DCAF8: variants seen among roughly 807,000 people sequenced by gnomAD.
DCAF8 encodes the protein DDB1 and CUL4 associated factor 8.
In DCAF8, 20 loss-of-function variants were observed where a neutral mutation model predicts 68.0. That is an observed-to-expected ratio of 0.29 (90% CI 0.21 to 0.43). The LOEUF is 0.43. Ranked by LOEUF, DCAF8 falls within the 20% of genes least tolerant of loss-of-function variation. The pLI, the probability that DCAF8 is intolerant of heterozygous loss-of-function variation, is 1.00. For synonymous variants in DCAF8, 230 were observed against 276.9 expected (o/e 0.83, Z 1.68); for missense variants, 460 against 771.0 (o/e 0.60, Z 4.78).
At chr1:160,225,278 A>AG (rs1319351811) in intron 8 of DCAF8, among the ~76,000 whole-genome samples, 159 bp from the exon 9 acceptor site, 2 of 152,188 alleles carry the variant, frequency 1.3e-5, no homozygotes, top group Non-Finnish European at 2.9e-5. Flanking sequence ...TGACCACCTC[A>AG]GGGGGTAGCA....
intron 13 of DCAF8, chr1:160,218,033 G>A (rs2101710921): frequency 2.0e-6 from 1 of 498,364 alleles, no homozygotes; most frequent in Admixed American, 3.6e-5. Flanking sequence ...AGGAAAAATA[G>A]AAGGGTCACA....
chr1:160,238,482 G>C (rs1429942279), intron 5 of DCAF8, 125 bp downstream of exon 5: 1 of 1,074,734 alleles, frequency 9.3e-7, no homozygotes, highest in African/African-American at 1.6e-5. Context: ...CAAATCTTAG[G>C]ACTGAAAGAG....
intron 2 of DCAF8, among the ~76,000 whole-genome samples, chr1:160,258,329 G>A (rs1276130645): frequency 6.6e-6 from 1 of 152,114 alleles, no homozygotes; most frequent in Non-Finnish European, 1.5e-5. Context: ...GTGACAGAGT[G>A]AGATCCTATT....
chr1:160,261,679 C>T (rs1199263028), intron 1 of DCAF8: 1 of 152,190 alleles, frequency 6.6e-6, no homozygotes. Flanking sequence ...GGGGGGAAAT[C>T]CCGGAGAGAA....
At chr1:160,234,959 C>A (rs1364671164) in intron 6 of DCAF8, among the ~76,000 whole-genome samples, 1 of 152,170 alleles carries the variant, frequency 6.6e-6, no homozygotes, top group African/African-American at 2.4e-5. Flanking sequence ...TGTAGAAATT[C>A]TTCTACTATC....
Position 160,245,837 on chromosome 1 carries a change from TATTA to T in DCAF8, c.-26-1807_-26-1804del, listed in dbSNP as rs527595196. 3.9e-5 allele frequency among the ~76,000 whole-genome samples: 6 copies of T among 152,326 alleles called. No homozygotes were observed. The South Asian group carries it at 1.2e-3, about 32-fold the overall frequency. ...CTTCTCCATCTAGAGTTTAAAATTA[TATTA>T]ATTCCTATCAAGTGGGGAAAATGTA... On this transcript the variant is annotated intron_variant, in intron 2 of 13. Transcript: ENST00000368074.
chr1:160,232,947 G>A (rs1355480027), intron 6 of DCAF8, among the ~76,000 whole-genome samples: 1 of 152,190 alleles, frequency 6.6e-6, no homozygotes, highest in Non-Finnish European at 1.5e-5. Flanking sequence ...GTGGCATGAG[G>A]AATATTCTTC....
intron 12 of DCAF8, 47 bp from the exon 13 acceptor site, chr1:160,218,487 C>T (rs1269819037): frequency 2.1e-6 from 3 of 1,396,094 alleles, no homozygotes; most frequent in Admixed American, 1.7e-5. Flanking sequence ...TGAAGAGGAA[C>T]CCGGGACCTG....
At chr1:160,249,606 AAC>A (rs1351570977) in intron 2 of DCAF8, among the ~76,000 whole-genome samples, 1 of 152,222 alleles carries the variant, frequency 6.6e-6, no homozygotes, top group Non-Finnish European at 1.5e-5. Context: ...CAGCCTGAGT[AAC>A]ACAGCAATAC....
rs888411358 is a variant in DCAF8 at position 160,222,558 on chromosome 1, T to C, written c.1440+93A>G. 5.2e-6 allele frequency: 8 copies of C among 1,526,618 alleles called. No individual in the cohort carries two copies. The East Asian group carries it at 1.8e-4, about 35-fold the overall frequency. 94.6% of individuals were successfully genotyped at this position (1,526,618 alleles called of 1,614,324 possible). A position where few individuals can be genotyped will look rare whatever the true frequency, so the allele number is the denominator to read the frequency against. On this transcript the variant is annotated intron_variant, in intron 11 of 13. Coordinates refer to ENST00000368074, the MANE Select transcript of DCAF8 (RefSeq NM_015726.4). ...GCTGGACCTCTAAAACATGGTATCA[T>C]GTAGTCACAGTGAGAATTCAGTGTC...
At chr1:160,223,793 G>A (rs1189234635) in intron 10 of DCAF8, among the ~76,000 whole-genome samples, 3 of 152,280 alleles carry the variant, frequency 2.0e-5, no homozygotes, top group Non-Finnish European at 2.9e-5. Flanking sequence ...AGCTACTCAC[G>A]AGGCTGAAGT....
At chr1:160,225,512 C>T (rs1655444705) in intron 8 of DCAF8, 79 bp downstream of exon 8, 1 of 1,153,324 alleles carries the variant, frequency 8.7e-7, no homozygotes, top group African/African-American at 1.5e-5. Flanking sequence ...AAGCTCTTCC[C>T]ACCATACCAA....
intron 2 of DCAF8, among the ~76,000 whole-genome samples, chr1:160,253,288 T>C (rs10908772): frequency 0.64 from 97,886 of 151,848 alleles, 33,039 homozygotes; most frequent in African/African-American, 0.86. Context: ...ATCGCTTGAG[T>C]CCAGGAATTT....
rs1655120635 is a variant in DCAF8, at chr1:160,216,382, A to C, written c.*1210T>G. On this transcript the variant is annotated 3_prime_UTR_variant, in exon 14 of 14. Coordinates refer to ENST00000368074, the MANE Select transcript of DCAF8 (RefSeq NM_015726.4). ...AGTCTGCAGTGGTGGCACCACCCTA[A>C]AGTAGTTAAGTTTTAAAGACAGGCC... 6.6e-6 allele frequency: 1 copy of C among 152,100 alleles called. No individual in the cohort carries two copies. The highest frequency in any genetic ancestry group is 2.1e-4 in the South Asian group (1 of 4,822). 9.4% of individuals were successfully genotyped at this position (152,100 alleles called of 1,614,324 possible).
intron 11 of DCAF8, chr1:160,220,269 G>A (rs1655253824): frequency 1.3e-5 from 2 of 152,180 alleles, no homozygotes; most frequent in South Asian, 4.1e-4. Flanking sequence ...TATAGTAATG[G>A]ACAACTTACA....
intron 2 of DCAF8, among the ~76,000 whole-genome samples, chr1:160,258,654 A>G (rs1656936046): frequency 6.6e-6 from 1 of 151,962 alleles, no homozygotes; most frequent in Non-Finnish European, 1.5e-5. Flanking sequence ...GTATGGTGAT[A>G]TGCCCCTGCG....
rs138325327 is a variant in DCAF8, at chr1:160,250,083, C to A, written c.-26-6049G>T. Among the ~76,000 whole-genome samples the A allele has an allele frequency of 3.2e-3, 494 of 152,184 alleles. 13 individuals carry two copies. Among genetic ancestry groups the A allele is most frequent in the Admixed American group, 0.028 (429 of 15,294 alleles). ...ATCACAGTGGTGTTACATAACTATGCCTTTGTCAGAATTAAAAGAATAGGC... is the reference window on the plus strand; with the variant it reads ...ATCACAGTGGTGTTACATAACTATGACTTTGTCAGAATTAAAAGAATAGGC... On this transcript the variant is annotated intron_variant, in intron 2 of 13. Coordinates refer to ENST00000368074, the MANE Select transcript of DCAF8 (RefSeq NM_015726.4).
chr1:160,258,829 T>C (rs751870443), intron 2 of DCAF8, among the ~76,000 whole-genome samples: 4 of 152,178 alleles, frequency 2.6e-5, no homozygotes, highest in Non-Finnish European at 5.9e-5. Context: ...TTACTACATA[T>C]AGATGTCACC....
intron 2 of DCAF8, among the ~76,000 whole-genome samples, chr1:160,254,947 C>G (rs913022296): frequency 1.3e-5 from 2 of 152,160 alleles, no homozygotes; most frequent in African/African-American, 4.8e-5. Flanking sequence ...TACCACCCTG[C>G]AGGAATTTAG....
Sources: allele counts gnomAD v4.1 joint callset (sites outside exome capture counted in the v4.1 genomes callset), GRCh38; gene constraint gnomAD v4.1.1; transcripts MANE v1.5; gene names NCBI Gene and HGNC (gene_info 2026-07-23, HGNC 2026-07-21).